TP53I13: variants seen among roughly 807,000 people sequenced by gnomAD.
TP53I13 encodes the protein tumor protein p53-inducible protein 13.
TP53I13 carries 27 observed loss-of-function variants against 39.1 expected under a neutral mutation model. The observed-to-expected ratio is 0.69, with a 90% CI of 0.51 to 0.95. TP53I13 has a LOEUF of 0.95. Among genes scored for constraint, TP53I13 ranks in the 40% least tolerant of loss-of-function variants. The pLI, the probability that TP53I13 is intolerant of heterozygous loss-of-function variation, is 0.00. For missense variants in TP53I13, 544 were observed against 520.4 expected, an observed-to-expected ratio of 1.05 and a Z score of -0.44; for synonymous variants, 230 against 224.6, an observed-to-expected ratio of 1.02 and a Z score of -0.22.
the TP53I13 span, chr17:29,579,278 T>G: frequency 4.1e-6 from 2 of 489,456 alleles, no homozygotes; most frequent in African/African-American, 3.8e-5. Context: ...CTCAATCACC[T>G]GTTGCCTGGG....
chr17:29,572,951 G>A lies in TP53I13; in HGVS notation c.*27G>A. 1 of 1,396,212 alleles carries A rather than the reference G, an allele frequency of 7.2e-7. No individual in the cohort carries two copies. Among genetic ancestry groups the A allele is most frequent in the Non-Finnish European group, 9.3e-7 (1 of 1,079,602 alleles). 86.5% of individuals were successfully genotyped at this position (1,396,212 alleles called of 1,614,324 possible). On this transcript the variant is annotated 3_prime_UTR_variant, in exon 7 of 7. Transcript: ENST00000301057. Reference sequence around the variant, plus strand: ...GGCCTGGGACCTGCCACTGTGGCGTGCGGCTCCTCCCCGCGCCGCGAGGCC... The same window carrying A: ...GGCCTGGGACCTGCCACTGTGGCGTACGGCTCCTCCCCGCGCCGCGAGGCC...
downstream of TP53I13, chr17:29,577,868 G>A (rs1406710376): frequency 1.5e-6 from 1 of 667,002 alleles, no homozygotes; most frequent in East Asian, 2.7e-5. Flanking sequence ...TCAGAACAGG[G>A]GTGGTCTTTG....
chr17:29,578,650 G>A, the TP53I13 span: 1 of 1,263,656 alleles, frequency 7.9e-7, no homozygotes, highest in Non-Finnish European at 1.2e-6. Context: ...TCGAGTCAGA[G>A]GCAGAGGAAG....
chr17:29,566,864 C>G (rs1399221434), upstream of TP53I13: 2 of 1,506,264 alleles, frequency 1.3e-6, no homozygotes, highest in Non-Finnish European at 8.8e-7. Context: ...AGGGTCCTCT[C>G]TCCGACGGCG....
downstream of TP53I13, chr17:29,576,062 CCTT>C (rs2033183785): frequency 6.2e-7 from 1 of 1,613,090 alleles, no homozygotes; most frequent in Non-Finnish European, 8.5e-7. Context: ...GATGGACACG[CCTT>C]CCCCAGGCTT....
upstream of TP53I13, chr17:29,568,411 T>A (rs1488468484): frequency 6.6e-6 from 1 of 152,358 alleles, no homozygotes; most frequent in Non-Finnish European, 1.5e-5. The surrounding 1 kb of genome is among the most constrained non-coding windows in gnomAD (Gnocchi z 4.5). Context: ...GCTGCAGCTG[T>A]GCAGCTGCTC....
chr17:29,566,491 A>G, upstream of TP53I13: 1 of 1,611,860 alleles, frequency 6.2e-7, no homozygotes, highest in Non-Finnish European at 8.5e-7. Flanking sequence ...CACCAGAAGC[A>G]CCGCAGGAAG....
chr17:29,578,501 G>A, the TP53I13 span: 1 of 901,616 alleles, frequency 1.1e-6, no homozygotes, highest in Non-Finnish European at 1.9e-6. Flanking sequence ...TACAGTCTCA[G>A]AATGGGAAAG....
At chr17:29,571,562 G>T in intron 3 of TP53I13, 29 bp from the exon 4 acceptor site, 1 of 1,611,924 alleles carries the variant, frequency 6.2e-7, no homozygotes, top group South Asian at 1.1e-5. Context: ...CTCTGGGCCT[G>T]CTTTGATGTC....
chr17:29,571,953 C>T lies in TP53I13; in HGVS notation c.409C>T (p.Gln137Ter). ...GCTGATGAGGAGGCGGAGGAGGAAG[C>T]AGAGGAAGAAGAAGGCATGGATCTA... ...HWLMRRRRRK[Q>*]RKKKAWIYCE... Residue 137 changes from glutamine to a stop codon, truncating the protein, a stop_gained, in exon 5 of 7, where the codon CAG becomes TAG. Coordinates refer to ENST00000301057, the MANE Select transcript of TP53I13 (RefSeq NM_138349.4). LOFTEE classifies it high-confidence loss of function. The T allele has an allele frequency of 6.2e-7, 1 of 1,613,078 alleles. No homozygotes were observed. Among genetic ancestry groups the T allele is most frequent in the Non-Finnish European group, 8.5e-7 (1 of 1,179,966 alleles).
At chr17:29,581,696 C>T in the TP53I13 span, 2 of 1,498,044 alleles carry the variant, frequency 1.3e-6, no homozygotes, top group South Asian at 2.3e-5. This position sits in a 1 kb window ranked among gnomAD's most constrained non-coding sequence, Gnocchi z 4.8. Flanking sequence ...CCTGCCCAGC[C>T]CCAGCCAGGC....
At chr17:29,575,914 G>T, downstream of TP53I13, 2 of 1,595,234 alleles carry the variant, frequency 1.3e-6, no homozygotes, top group Non-Finnish European at 1.7e-6. This position sits in a 1 kb window ranked among gnomAD's most constrained non-coding sequence, Gnocchi z 5.5. Flanking sequence ...ACCCAGGGCA[G>T]CGCTGGATGG....
rs775252516 is a variant in TP53I13, at chr17:29,572,468, C to T, written c.840C>T (p.Gly280=). 1 of 1,589,792 alleles carries T rather than the reference C, an allele frequency of 6.3e-7. No homozygotes were observed. The highest frequency in any genetic ancestry group is 8.6e-7 in the Non-Finnish European group (1 of 1,166,734). The part of the protein sequence containing the change: ...QVPNGQGSPG[G]CVCSSQASPA... The stretch of plus-strand genomic sequence containing the variant: ...CCAACGGGCAAGGCAGCCCAGGGGG[C>T]TGTGTCTGTTCAAGTCAGGCTTCCC... Residue 280 remains glycine, a synonymous_variant, in exon 6 of 7, where the codon GGC becomes GGT. Coordinates refer to ENST00000301057, the MANE Select transcript of TP53I13 (RefSeq NM_138349.4).
chr17:29,575,431 T>C (rs768782252), downstream of TP53I13: 36 of 1,612,446 alleles, frequency 2.2e-5, no homozygotes, highest in Admixed American at 5.0e-4. The surrounding 1 kb of genome is among the most constrained non-coding windows in gnomAD (Gnocchi z 5.5). Flanking sequence ...GGTGGAAGTC[T>C]TCCTCTTTGC....
chr17:29,576,400 C>T (rs750192127), downstream of TP53I13: 24 of 1,613,188 alleles, frequency 1.5e-5, no homozygotes, highest in South Asian at 4.4e-5. Context: ...GTGTGGGCAC[C>T]GGCCCTGGAG....
At chr17:29,568,647 A>T, upstream of TP53I13, 1 of 558,300 alleles carries the variant, frequency 1.8e-6, no homozygotes, top group Non-Finnish European at 2.1e-6. This position sits in a 1 kb window ranked among gnomAD's most constrained non-coding sequence, Gnocchi z 4.5. Flanking sequence ...GGGCCAACGG[A>T]CGCGCGGGCG....
At chr17:29,575,802 G>A, downstream of TP53I13, 1 of 1,613,198 alleles carries the variant, frequency 6.2e-7, no homozygotes, top group Non-Finnish European at 8.5e-7. The surrounding 1 kb of genome is among the most constrained non-coding windows in gnomAD (Gnocchi z 5.5). Flanking sequence ...ACTGGGCATG[G>A]AAACATTACC....
chr17:29,569,214 ACTTCTC>A, intron 2 of TP53I13, 98 bp from the exon 3 acceptor site: 1 of 1,495,686 alleles, frequency 6.7e-7, no homozygotes, highest in Non-Finnish European at 9.1e-7. Flanking sequence ...TCAGTAGCCA[ACTTCTC>A]CATCCCAGCC....
At chr17:29,574,086 C>CAGTT (rs1185719888), downstream of TP53I13, 1 of 151,626 alleles carries the variant, frequency 6.6e-6, no homozygotes, top group Non-Finnish European at 1.5e-5. Context: ...CGGGGGCACT[C>CAGTT]AGTTACCACA....
Sources: allele counts gnomAD v4.1 joint callset, GRCh38; gene constraint gnomAD v4.1.1; non-coding constraint Gnocchi (gnomAD v3.1); transcripts MANE v1.5; gene names NCBI Gene and HGNC (gene_info 2026-07-23, HGNC 2026-07-21).